The following CHRDL1 variants were observed in gnomAD, a reference collection of about 807,000 sequenced individuals.
CHRDL1 encodes chordin like 1.
A neutral mutation model predicts 40.9 loss-of-function variants in CHRDL1; 19 were observed. The observed-to-expected ratio is 0.46, with a 90% confidence interval of 0.32 to 0.68. The LOEUF (loss-of-function observed/expected upper bound fraction) is 0.68. CHRDL1 is among the 30% of genes least tolerant of loss of function. The probability of loss-of-function intolerance (pLI) is 0.03; values close to 1 mark genes in which losing one functional copy is unlikely to be tolerated. For synonymous variants in CHRDL1, 136 were observed against 123.4 expected (o/e 1.10, Z -0.68); for missense variants, 329 against 352.1 (o/e 0.93, Z 0.53).
intron 2 of CHRDL1, among the ~76,000 whole-genome samples, chrX:110,778,674 T>C (rs934762513): frequency 5.4e-5 from 6 of 111,841 alleles, no homozygotes; most frequent in African/African-American, 9.7e-5. Context: ...AGTTCAACCA[T>C]TGTGGAAAGC....
intron 9 of CHRDL1, among the ~76,000 whole-genome samples, chrX:110,687,596 T>C (rs1214755172): frequency 8.9e-6 from 1 of 112,046 alleles, no homozygotes; most frequent in Non-Finnish European, 1.9e-5. Context: ...TGCAGAAGCA[T>C]AAGAAATGAT....
At chrX:110,705,837 T>G (rs1412475936) in intron 6 of CHRDL1, among the ~76,000 whole-genome samples, 1 of 109,680 alleles carries the variant, frequency 9.1e-6, no homozygotes, top group African/African-American at 3.3e-5. Flanking sequence ...TTATAAATTA[T>G]ATACATTAAA....
At chrX:110,780,225 T>C (rs1339183235) in intron 2 of CHRDL1, among the ~76,000 whole-genome samples, 2 of 111,353 alleles carry the variant, frequency 1.8e-5, no homozygotes, top group Non-Finnish European at 3.8e-5. Context: ...TCATTCAGTT[T>C]TTTTTCTTTT....
rs747592596 is a variant in CHRDL1 at position 110,714,045 on chromosome X, T to TA, written c.541+5789dup. On this transcript the variant is annotated intron_variant, in intron 6 of 11. Coordinates refer to ENST00000372042, the MANE Select transcript of CHRDL1 (RefSeq NM_001143981.2). ...CAGTAGTATAATCTCTGAAGAGATT[T>TA]AAAAAAAAAAAAACTTTTATTTTAG... 5.6e-3 allele frequency among the ~76,000 whole-genome samples: 564 copies of TA among 101,178 alleles called. 9 individuals are homozygous for TA. Among genetic ancestry groups the TA allele is most frequent in the East Asian group, 0.041 (135 of 3,280 alleles). 87.9% of individuals were successfully genotyped at this position (101,178 alleles called of 115,157 possible).
chrX:110,697,099 G>C (rs1270498506), intron 7 of CHRDL1, among the ~76,000 whole-genome samples: 1 of 111,254 alleles, frequency 9.0e-6, no homozygotes, highest in Non-Finnish European at 1.9e-5. Context: ...AAACCAGTTA[G>C]AAATGACCAT....
At position 110,795,749 on chromosome X, in the gene CHRDL1, C is replaced by T. The variant is rs2090169722; in HGVS notation, c.-40G>A. On this transcript the variant is annotated 5_prime_UTR_variant, in exon 1 of 12. Coordinates refer to ENST00000372042, the MANE Select transcript of CHRDL1 (RefSeq NM_001143981.2). Reference sequence around the variant, plus strand: ...GCCGGGCACTGCTCACTAACCTGGGCACTGGCCTTCTCCGTCTGCCACGCG... The same window carrying T: ...GCCGGGCACTGCTCACTAACCTGGGTACTGGCCTTCTCCGTCTGCCACGCG... 8.8e-6 allele frequency: 1 copy of T among 113,069 alleles called. No individual in the cohort carries two copies. The allele number at this position is 113,069 out of a possible 1,213,427, so 9.3% of individuals were successfully genotyped here.
intron 8 of CHRDL1, among the ~76,000 whole-genome samples, chrX:110,689,667 C>T (rs749918348): frequency 3.4e-5 from 1 of 29,831 alleles, no homozygotes; most frequent in African/African-American, 4.4e-4. Context: ...ATCTATATAT[C>T]TATATATCTA....
rs529910573 is a variant in CHRDL1 at position 110,738,723 on chromosome X, C to T, written c.302-17193G>A. On this transcript the variant is annotated intron_variant, in intron 4 of 11. Transcript: ENST00000372042. Reference sequence around the variant, plus strand: ...CGCCACTACACTCCAGCCTGGGTGACAGAGTGAGACTCCTTCAAAAAAAAA... The same window carrying T: ...CGCCACTACACTCCAGCCTGGGTGATAGAGTGAGACTCCTTCAAAAAAAAA... Among the ~76,000 whole-genome samples the T allele has an allele frequency of 4.4e-4, 43 of 96,706 alleles. 1 individual carries two copies. The highest frequency in any genetic ancestry group is 1.7e-3 in the African/African-American group (39 of 23,352). 84.0% of individuals were successfully genotyped at this position (96,706 alleles called of 115,157 possible).
chrX:110,756,404 G>A (rs746231136), intron 4 of CHRDL1, among the ~76,000 whole-genome samples: 1 of 110,946 alleles, frequency 9.0e-6, no homozygotes, highest in Admixed American at 9.6e-5. Context: ...TGGGGACTAG[G>A]GTCACACTAC....
intron 11 of CHRDL1, among the ~76,000 whole-genome samples, chrX:110,678,822 G>A (rs2069834846): frequency 9.0e-6 from 1 of 110,842 alleles, no homozygotes; most frequent in African/African-American, 3.3e-5. Context: ...GTGGAAAGTG[G>A]GAGAGCTGCA....
At chrX:110,768,648 C>T in intron 2 of CHRDL1, among the ~76,000 whole-genome samples, 1 of 110,863 alleles carries the variant, frequency 9.0e-6, no homozygotes, top group Non-Finnish European at 1.9e-5. Flanking sequence ...TGCCCTCGAA[C>T]ATCAGACTCC....
At chrX:110,695,031 T>C (rs996117398) in intron 7 of CHRDL1, among the ~76,000 whole-genome samples, 1 of 110,997 alleles carries the variant, frequency 9.0e-6, no homozygotes, top group East Asian at 2.8e-4. Flanking sequence ...TTGAGGGATT[T>C]TTTTTTTTAA....
At chrX:110,760,424 A>G (rs1231059334) in intron 3 of CHRDL1, among the ~76,000 whole-genome samples, 2 of 112,510 alleles carry the variant, frequency 1.8e-5, no homozygotes, top group East Asian at 5.6e-4. Context: ...TAAATTTTTC[A>G]TTTACATTTT....
In CHRDL1 at chrX:110,792,187, C is replaced by T. The variant is rs763851715; in HGVS notation, c.-6G>A. The T allele has an allele frequency of 9.1e-7, 1 of 1,099,741 alleles. No individual in the cohort carries two copies. The allele number at this position is 1,099,741 out of a possible 1,213,427, so 90.6% of individuals were successfully genotyped here. A position where few individuals can be genotyped will look rare whatever the true frequency, so the allele number is the denominator to read the frequency against. ...ATTTTCCACTTTTTTCTCATTTGGA[C>T]CACTGCAAAAGGTGACAGAACCTTC... On this transcript the variant is annotated 5_prime_UTR_variant, in exon 2 of 12. Coordinates refer to ENST00000372042, the MANE Select transcript of CHRDL1 (RefSeq NM_001143981.2).
At position 110,762,802 on chromosome X, in the gene CHRDL1, C is replaced by T. The variant is rs1449548899; in HGVS notation, c.100G>A (p.Glu34Lys). 1.8e-6 allele frequency: 2 copies of T among 1,086,198 alleles called. No individual in the cohort carries two copies. The highest frequency in any genetic ancestry group is 4.4e-5 in the Admixed American group (2 of 44,956). 89.5% of individuals were successfully genotyped at this position (1,086,198 alleles called of 1,213,427 possible). A position where few individuals can be genotyped will look rare whatever the true frequency, so the allele number is the denominator to read the frequency against. The change falls in exon 3 of 12, where the codon GAG becomes AAG. Residue 34 changes from glutamate (E) to lysine (K), a missense_variant. Transcript: ENST00000372042. ...GGKTEQVKHSETYCMFQDKKY... is the reference protein window; with the variant it reads ...GGKTEQVKHSKTYCMFQDKKY... ...TTGTCTTGAAACATGCAATATGTCTCTGAATCTGTGAAGAAGGAGATGGAG... is the reference window on the plus strand; with the variant it reads ...TTGTCTTGAAACATGCAATATGTCTTTGAATCTGTGAAGAAGGAGATGGAG...
chrX:110,731,821 G>C (rs1235228659), intron 4 of CHRDL1, among the ~76,000 whole-genome samples: 1 of 110,991 alleles, frequency 9.0e-6, no homozygotes, highest in Non-Finnish European at 1.9e-5. Flanking sequence ...GGGGAGAATG[G>C]GAGTGACTAC....
intron 5 of CHRDL1, 102 bp from the exon 6 acceptor site, chrX:110,720,030 CT>C: frequency 2.2e-6 from 1 of 455,084 alleles, no homozygotes; most frequent in Non-Finnish European, 3.8e-6. Flanking sequence ...ACGGCATGTC[CT>C]TCCCCCCAGC....
At chrX:110,686,297 T>A (rs1238689561) in intron 9 of CHRDL1, among the ~76,000 whole-genome samples, 1 of 112,000 alleles carries the variant, frequency 8.9e-6, no homozygotes, top group Non-Finnish European at 1.9e-5. Flanking sequence ...TTATTTAATT[T>A]TTTAATTGAA....
chrX:110,696,204 T>C (rs1424886710), intron 7 of CHRDL1, among the ~76,000 whole-genome samples: 1 of 111,314 alleles, frequency 9.0e-6, no homozygotes, highest in Non-Finnish European at 1.9e-5. Flanking sequence ...CAGGATAAGC[T>C]GCAAGTACGA....
Sources: gnomAD v4.1 joint callset for allele counts (sites outside exome capture counted in the v4.1 genomes callset) on GRCh38, gnomAD v4.1.1 for gene constraint, MANE v1.5 for transcripts, NCBI Gene and HGNC (gene_info 2026-07-23, HGNC 2026-07-21) for gene names.